Variants in CATSPERT observed in about 807,000 individuals in gnomAD.
CATSPERT encodes the protein catsper channel auxiliary subunit tau.
At chr2:201,560,696 T>A in the CATSPERT span, among the ~76,000 whole-genome samples, 1 of 151,964 alleles carries the variant, frequency 6.6e-6, no homozygotes, top group Non-Finnish European at 1.5e-5. Context: ...AGAAACTGAA[T>A]TCTTCAAACA....
the CATSPERT span, chr2:201,537,344 C>G: frequency 9.0e-7 from 1 of 1,114,950 alleles, no homozygotes; most frequent in Non-Finnish European, 1.3e-6. Context: ...TCTTGGATGC[C>G]TTTCTCTATC....
the CATSPERT span, among the ~76,000 whole-genome samples, chr2:201,543,276 T>G: frequency 1.3e-5 from 2 of 152,166 alleles, no homozygotes; most frequent in Non-Finnish European, 2.9e-5. Flanking sequence ...CATTTTGAAA[T>G]CAGAACGTGT....
chr2:201,525,294 A>G, the CATSPERT span, among the ~76,000 whole-genome samples: 13 of 152,218 alleles, frequency 8.5e-5, no homozygotes, highest in Non-Finnish European at 1.6e-4. Context: ...ACAGATCAAT[A>G]CTAAGAAAAT....
At chr2:201,601,653 T>C in the CATSPERT span, 4 of 1,299,130 alleles carry the variant, frequency 3.1e-6, no homozygotes, top group African/African-American at 4.6e-5. Context: ...TCTTTTCTAC[T>C]CATTTTTATA....
the CATSPERT span, among the ~76,000 whole-genome samples, chr2:201,490,956 C>T: frequency 1.3e-5 from 2 of 152,100 alleles, no homozygotes; most frequent in African/African-American, 4.8e-5. Context: ...ATCTCCTGAC[C>T]TCGTGATCCA....
the CATSPERT span, among the ~76,000 whole-genome samples, chr2:201,580,565 G>C: frequency 6.6e-6 from 1 of 152,016 alleles, no homozygotes; most frequent in Non-Finnish European, 1.5e-5. Flanking sequence ...AAGGAGTCAC[G>C]AATTTTCCTT....
At chr2:201,612,104 T>C in the CATSPERT span, among the ~76,000 whole-genome samples, 1 of 152,244 alleles carries the variant, frequency 6.6e-6, no homozygotes, top group African/African-American at 2.4e-5. Context: ...TTCTTTGTAC[T>C]GTGCTAAGCA....
At chr2:201,558,435 T>C in the CATSPERT span, among the ~76,000 whole-genome samples, 529 of 152,326 alleles carry the variant, frequency 3.5e-3, 4 homozygotes, top group African/African-American at 0.012. Flanking sequence ...AGCAGGGGAA[T>C]GGAGACACAC....
the CATSPERT span, among the ~76,000 whole-genome samples, chr2:201,578,788 T>C: frequency 1.3e-5 from 2 of 152,148 alleles, no homozygotes; most frequent in African/African-American, 4.8e-5. Flanking sequence ...AGCTTCTACA[T>C]TTTCTTCAAC....
At chr2:201,580,668 T>C in the CATSPERT span, among the ~76,000 whole-genome samples, 1 of 152,288 alleles carries the variant, frequency 6.6e-6, no homozygotes, top group East Asian at 1.9e-4. Context: ...ACCCCATTAG[T>C]CTTTGAAGAC....
chr2:201,535,436 ACT>A, the CATSPERT span: 20 of 966,864 alleles, frequency 2.1e-5, no homozygotes, highest in Admixed American at 2.5e-4. Flanking sequence ...TTAAATTCAC[ACT>A]CTTATTCTCA....
the CATSPERT span, among the ~76,000 whole-genome samples, chr2:201,617,499 C>A: frequency 1.6e-4 from 24 of 152,170 alleles, no homozygotes; most frequent in Admixed American, 1.3e-3. Flanking sequence ...AAAACTGGCT[C>A]GCCATACGTA....
At chr2:201,560,789 T>TC in the CATSPERT span, among the ~76,000 whole-genome samples, 1 of 147,806 alleles carries the variant, frequency 6.8e-6, no homozygotes, top group Admixed American at 6.8e-5. Flanking sequence ...AAATCTCTCT[T>TC]TTTTTTTTTT....
chr2:201,614,732 G>A, the CATSPERT span, among the ~76,000 whole-genome samples: 7 of 152,224 alleles, frequency 4.6e-5, no homozygotes, highest in South Asian at 1.0e-3. Context: ...ATGTAAATGG[G>A]CTAAATGGTC....
the CATSPERT span, among the ~76,000 whole-genome samples, chr2:201,615,803 T>C: frequency 8.6e-5 from 13 of 151,856 alleles, no homozygotes; most frequent in African/African-American, 1.2e-4. Context: ...AATTGATAGA[T>C]CACTAGCAAG....
the CATSPERT span, among the ~76,000 whole-genome samples, chr2:201,513,157 G>A: frequency 2.7e-5 from 4 of 150,648 alleles, no homozygotes; most frequent in African/African-American, 9.7e-5. Context: ...GACAACCTAC[G>A]GAATGGGAGA....
At chr2:201,504,792 G>A in the CATSPERT span, among the ~76,000 whole-genome samples, 1 of 152,180 alleles carries the variant, frequency 6.6e-6, no homozygotes, top group East Asian at 1.9e-4. Context: ...TTTTCCCTGG[G>A]ATGCTGGAGG....
the CATSPERT span, chr2:201,491,223 T>C: frequency 3.4e-4 from 521 of 1,537,690 alleles, 1 homozygote; most frequent in Non-Finnish European, 4.2e-4. Flanking sequence ...CAGACTTCTT[T>C]AGGTGAATTC....
chr2:201,529,166 A>G, the CATSPERT span, among the ~76,000 whole-genome samples: 3 of 152,208 alleles, frequency 2.0e-5, no homozygotes, highest in East Asian at 5.8e-4. Context: ...TAAAACATCC[A>G]TACTACCCAA....
Sources: allele counts gnomAD v4.1 joint callset (sites outside exome capture counted in the v4.1 genomes callset), GRCh38; gene constraint gnomAD v4.1.1; transcripts MANE v1.5; gene names NCBI Gene and HGNC (gene_info 2026-07-23, HGNC 2026-07-21).